SNRPB: variants seen among roughly 807,000 people sequenced by gnomAD.
SNRPB encodes small nuclear ribonucleoprotein-associated proteins B and B'.
In SNRPB, 5 loss-of-function variants were observed where a neutral mutation model predicts 26.6. That is an observed-to-expected ratio of 0.19 (90% CI 0.10 to 0.39). SNRPB has a LOEUF of 0.39. SNRPB is among the 10% of genes least tolerant of loss of function. The pLI is 1.00. For synonymous variants in SNRPB, 122 were observed against 105.8 expected, an observed-to-expected ratio of 1.15 and a Z score of -0.94; for missense variants, 211 against 311.9, an observed-to-expected ratio of 0.68 and a Z score of 2.44.
At chr20:2,468,003 T>C (rs954251082) in intron 1 of SNRPB, among the ~76,000 whole-genome samples, 1 of 152,240 alleles carries the variant, frequency 6.6e-6, no homozygotes. Context: ...CATATTATAA[T>C]TGCCTTTCTC....
intron 6 of SNRPB, 23 bp downstream of exon 6, chr20:2,462,613 A>T: frequency 1.2e-6 from 2 of 1,610,144 alleles, no homozygotes; most frequent in Non-Finnish European, 1.7e-6. Flanking sequence ...AAAGAAGCCA[A>T]AGTCACCACT....
chr20:2,465,659 C>T, intron 3 of SNRPB, 49 bp downstream of exon 3: 1 of 1,262,146 alleles, frequency 7.9e-7, no homozygotes, highest in South Asian at 1.2e-5. Flanking sequence ...CAGAGCCTGG[C>T]TCACAGTAGG....
chr20:2,468,859 G>A (rs1447029515), intron 1 of SNRPB, among the ~76,000 whole-genome samples: 6 of 152,202 alleles, frequency 3.9e-5, no homozygotes, highest in African/African-American at 1.4e-4. Flanking sequence ...CTGGGAGGTG[G>A]AGGCTGCAGT....
At chr20:2,467,961 CTA>C (rs1305019411) in intron 1 of SNRPB, among the ~76,000 whole-genome samples, 3 of 152,216 alleles carry the variant, frequency 2.0e-5, no homozygotes, top group Non-Finnish European at 4.4e-5. Flanking sequence ...CAGTAATCTG[CTA>C]TTCTCTCTTC....
Position 2,463,229 on chromosome 20 carries a change from T to A in SNRPB, c.421-2A>T. The A allele has an allele frequency of 6.2e-7, 1 of 1,607,716 alleles. No homozygotes were observed. Among genetic ancestry groups the A allele is most frequent in the Non-Finnish European group, 8.5e-7 (1 of 1,174,378 alleles). ...ACCTCTTCCTTGTGGGGTCATCACC[T>A]AAGAGGACATAAGAAGAAAGAGTTA... On this transcript the variant is annotated splice_acceptor_variant, in intron 4 of 6. Transcript: ENST00000381342. LOFTEE classifies it high-confidence loss of function. This position sits in a 1 kb window ranked among gnomAD's most constrained non-coding sequence, Gnocchi z 5.0.
intron 6 of SNRPB, among the ~76,000 whole-genome samples, 164 bp from the exon 7 acceptor site, chr20:2,462,103 T>A (rs1364876861): frequency 6.6e-6 from 1 of 152,108 alleles, no homozygotes; most frequent in Non-Finnish European, 1.5e-5. Flanking sequence ...CCTATGTCTA[T>A]AAAAACCCAT....
chr20:2,470,707 G>T lies in SNRPB; in HGVS notation c.-17C>A. The T allele has an allele frequency of 6.2e-7, 1 of 1,613,210 alleles. No individual in the cohort carries two copies. On this transcript the variant is annotated 5_prime_UTR_variant, in exon 1 of 7. Transcript: ENST00000381342. ...CCTTACCATGGTGGCGGTTCTGATG[G>T]CTCTGATACCCGCCGGATTCGCCTC...
intron 1 of SNRPB, among the ~76,000 whole-genome samples, chr20:2,470,474 C>T (rs1418623242): frequency 6.6e-6 from 1 of 152,222 alleles, no homozygotes; most frequent in Non-Finnish European, 1.5e-5. Flanking sequence ...GCCGAGCGAC[C>T]TCGGCCTCCG....
At chr20:2,464,647 C>T (rs1568463428) in intron 3 of SNRPB, among the ~76,000 whole-genome samples, 1 of 151,974 alleles carries the variant, frequency 6.6e-6, no homozygotes. Flanking sequence ...GTGTTAAGTA[C>T]AAAAAAATCC....
intron 1 of SNRPB, 133 bp downstream of exon 1, chr20:2,470,555 G>C: frequency 9.1e-7 from 1 of 1,096,054 alleles, no homozygotes; most frequent in Non-Finnish European, 1.3e-6. Flanking sequence ...TTCCCGCCCA[G>C]ACCGAGCGGC....
chr20:2,461,728 C>T lies in SNRPB; in HGVS notation c.*201G>A, dbSNP rs765740031. 6.5e-7 allele frequency: 1 copy of T among 1,542,376 alleles called. No homozygotes were observed. Among genetic ancestry groups the T allele is most frequent in the Non-Finnish European group, 8.8e-7 (1 of 1,138,046 alleles). On this transcript the variant is annotated 3_prime_UTR_variant, in exon 7 of 7. Coordinates refer to ENST00000381342, the MANE Select transcript of SNRPB (RefSeq NM_003091.4). ...TATGTACAGCCTTACGGGAAACAGG[C>T]AGGGAGCTGAGGAGGGCCAAGATGA...
chr20:2,465,513 G>A (rs1360831708), intron 3 of SNRPB, among the ~76,000 whole-genome samples, 195 bp downstream of exon 3: 2 of 151,446 alleles, frequency 1.3e-5, no homozygotes, highest in Admixed American at 6.6e-5. Flanking sequence ...GCCTCCCTGA[G>A]AGCTGGGATT....
At position 2,470,769 on chromosome 20, in the gene SNRPB, C is replaced by T. The variant is rs2085109594; in HGVS notation, c.-79G>A. 4 of 1,560,212 alleles carry T rather than the reference C, an allele frequency of 2.6e-6. No individual in the cohort carries two copies. The East Asian group carries it at 9.0e-5, about 35-fold the overall frequency. On this transcript the variant is annotated 5_prime_UTR_variant, in exon 1 of 7. Coordinates refer to ENST00000381342, the MANE Select transcript of SNRPB (RefSeq NM_003091.4). The stretch of plus-strand genomic sequence containing the variant: ...AGCCTCTCTCCCACAGCCGATTTCC[C>T]GCCGCCGCTACCGGAAATGCAGCAC...
rs6138178 is a variant in SNRPB, at chr20:2,467,941, G to T, written c.4-183C>A. On this transcript the variant is annotated intron_variant, in intron 1 of 6. Coordinates refer to ENST00000381342, the MANE Select transcript of SNRPB (RefSeq NM_003091.4). ...TCCCATGCCACCCTGTTTTAGCCCTGACCTCTACCCAGTAATCTGCTATTC... is the reference window on the plus strand; with the variant it reads ...TCCCATGCCACCCTGTTTTAGCCCTTACCTCTACCCAGTAATCTGCTATTC... Among the ~76,000 whole-genome samples, 93,227 of 151,964 alleles carry T rather than the reference G, an allele frequency of 0.61. 31,028 individuals carry two copies. The highest frequency in any genetic ancestry group is 0.74 in the Non-Finnish European group (50,546 of 67,956).
At chr20:2,470,333 C>G (rs1024631256) in intron 1 of SNRPB, among the ~76,000 whole-genome samples, 5 of 152,234 alleles carry the variant, frequency 3.3e-5, no homozygotes, top group African/African-American at 9.6e-5. Context: ...TACCGGGTCC[C>G]CCTGCGGCTC....
At chr20:2,462,111 CAT>C in intron 6 of SNRPB, among the ~76,000 whole-genome samples, 172 bp from the exon 7 acceptor site, 1 of 152,134 alleles carries the variant, frequency 6.6e-6, no homozygotes, top group Non-Finnish European at 1.5e-5. Context: ...TATAAAAACC[CAT>C]AGAGGAATAA....
chr20:2,463,810 G>A lies in SNRPB; in HGVS notation c.357C>T (p.Pro119=), dbSNP rs775215815. The A allele has an allele frequency of 6.2e-6, 10 of 1,612,810 alleles. 1 individual carries two copies. The South Asian group carries it at 8.8e-5, about 14-fold the overall frequency. Residue 119 remains proline, a synonymous_variant, in exon 4 of 7, where the codon CCC becomes CCT. Transcript: ENST00000381342. This position sits in a 1 kb window ranked among gnomAD's most constrained non-coding sequence, Gnocchi z 5.0. The part of the protein sequence containing the change: ...AAGRGIPAGV[P]MPQAPAGLAG... ...CAAGTCCTGCAGGAGCCTGGGGCAT[G>A]GGAACCCCAGCTGGGATTCCTCTGC...
In SNRPB at chr20:2,467,630, G is replaced by T. The variant is rs775880373; in HGVS notation, c.132C>A (p.Asp44Glu). The T allele has an allele frequency of 6.2e-7, 1 of 1,614,028 alleles. No homozygotes were observed. Among genetic ancestry groups the T allele is most frequent in the Admixed American group, 1.7e-5 (1 of 59,994 alleles). The change falls in exon 2 of 7, where the codon GAC (aspartate) becomes GAA (glutamate). Residue 44 changes from aspartate to glutamate, a missense_variant. By Grantham distance (45) the Asp-to-Glu change is conservative. Transcript: ENST00000381342. Reference sequence around the variant, plus strand: ...ACTTGATCTTTCTGAACTCATCACAGTCACAGAGGATCAAATTCATGTGCT... The same window carrying T: ...ACTTGATCTTTCTGAACTCATCACATTCACAGAGGATCAAATTCATGTGCT... Reference protein sequence around the residue: ...FDKHMNLILCDCDEFRKIKPK... With the variant: ...FDKHMNLILCECDEFRKIKPK...
At chr20:2,467,496 G>C in intron 2 of SNRPB, 111 bp downstream of exon 2, 1 of 997,486 alleles carries the variant, frequency 1.0e-6, no homozygotes, top group Non-Finnish European at 1.5e-6. Context: ...TCTAAAACTG[G>C]AGAATAAACA....
Sources: gnomAD v4.1 joint callset for allele counts (sites outside exome capture counted in the v4.1 genomes callset) on GRCh38, gnomAD v4.1.1 for gene constraint, Gnocchi (gnomAD v3.1) non-coding constraint, MANE v1.5 for transcripts, NCBI Gene and HGNC (gene_info 2026-07-23, HGNC 2026-07-21) for gene names.